ARHGAP35: variants seen among roughly 807,000 people sequenced by gnomAD.
The protein encoded by ARHGAP35 is Rho GTPase activating protein 35.
In ARHGAP35, 15 loss-of-function variants were observed where a neutral mutation model predicts 111.1. That is an observed-to-expected ratio of 0.13 (90% CI 0.09 to 0.21). ARHGAP35 has a LOEUF of 0.21. Among genes scored for constraint, ARHGAP35 ranks in the 10% least tolerant of loss-of-function variants. The probability of loss-of-function intolerance (pLI) is 1.00; values close to 1 mark genes in which losing one functional copy is unlikely to be tolerated. For missense variants in ARHGAP35, 1,262 were observed against 1,873.0 expected, an observed-to-expected ratio of 0.67 and a Z score of 6.02; for synonymous variants, 643 against 710.3, an observed-to-expected ratio of 0.91 and a Z score of 1.51.
At chr19:46,973,403 C>T (rs561190285) in intron 3 of ARHGAP35, among the ~76,000 whole-genome samples, 34 of 151,894 alleles carry the variant, frequency 2.2e-4, no homozygotes, top group Non-Finnish European at 3.7e-4. Context: ...AAAAATTGGC[C>T]GGGCGCAGTG....
intron 1 of ARHGAP35, among the ~76,000 whole-genome samples, chr19:46,875,988 C>T (rs2055917108): frequency 6.6e-6 from 1 of 152,132 alleles, no homozygotes; most frequent in African/African-American, 2.4e-5. Flanking sequence ...CTCTTTTTCT[C>T]ATCATGACAC....
intron 1 of ARHGAP35, among the ~76,000 whole-genome samples, chr19:46,895,739 A>G (rs2056051352): frequency 6.6e-6 from 1 of 152,196 alleles, no homozygotes; most frequent in African/African-American, 2.4e-5. Context: ...CAAATAATTT[A>G]GTCTCCAGGT....
chr19:46,912,372 T>C (rs2056141699), intron 1 of ARHGAP35, among the ~76,000 whole-genome samples: 1 of 148,464 alleles, frequency 6.7e-6, no homozygotes, highest in African/African-American at 2.5e-5. Context: ...TTTTTTCTTT[T>C]GAGACAGAGT....
chr19:46,883,102 CT>C (rs946694181), intron 1 of ARHGAP35, among the ~76,000 whole-genome samples: 13 of 148,048 alleles, frequency 8.8e-5, no homozygotes, highest in Admixed American at 1.4e-4. Context: ...GGCCTAATTT[CT>C]TTTTTTTTTG....
intron 1 of ARHGAP35, among the ~76,000 whole-genome samples, chr19:46,911,532 G>T (rs1299603796): frequency 6.6e-6 from 1 of 152,130 alleles, no homozygotes; most frequent in Admixed American, 6.5e-5. Flanking sequence ...AGAAAGGAGG[G>T]AATTTAGCTG....
Position 46,919,522 on chromosome 19 carries a change from C to T in ARHGAP35, c.847C>T (p.Arg283Cys), listed in dbSNP as rs200036000. 8.1e-6 allele frequency: 13 copies of T among 1,613,816 alleles called. No homozygotes were observed. In the African/African-American group the frequency reaches 1.2e-4, roughly 15 times the overall value. The change falls in exon 2 of 7, where the codon CGC becomes TGC. Residue 283 changes from arginine (R) to cysteine (C), a missense_variant. Arg to Cys is a radical substitution (Grantham distance 180). Around this residue, in one of 8 missense-constraint regions of ARHGAP35, gnomAD observed 328 missense variants for 440.8 expected, o/e 0.74. Transcript: ENST00000672722. This position sits in a 1 kb window ranked among gnomAD's most constrained non-coding sequence, Gnocchi z 6.2. ...AKDKYEWLVS[R>C]IVKNHNENWL... is the part of the protein sequence containing the mutation. ...AGACAAGTATGAGTGGCTGGTGAGT[C>T]GCATTGTGAAAAACCACAATGAGAA...
chr19:46,898,775 A>AGCTGCTGCTGCT (rs112008743), intron 1 of ARHGAP35, among the ~76,000 whole-genome samples: 99 of 150,910 alleles, frequency 6.6e-4, no homozygotes, highest in African/African-American at 2.1e-3. Context: ...TGCACAGATG[A>AGCTGCTGCTGCT]GCTGCTGCTG....
At chr19:46,979,340 TTGAA>T (rs1158299896) in intron 3 of ARHGAP35, among the ~76,000 whole-genome samples, 1 of 152,112 alleles carries the variant, frequency 6.6e-6, no homozygotes, top group Non-Finnish European at 1.5e-5. Flanking sequence ...GCTCCTGGCT[TTGAA>T]TGTTCACTCC....
chr19:46,930,177 G>A lies in ARHGAP35; in HGVS notation c.3682-7087G>A, dbSNP rs114806420. On this transcript the variant is annotated intron_variant, in intron 2 of 6. Coordinates refer to ENST00000672722, the MANE Select transcript of ARHGAP35 (RefSeq NM_004491.5). ...AGCCCAGGAGTTTGAAACTAGCTTG[G>A]GCAACATGGCAAAACTCCGTCTCTA... is the stretch of plus-strand genomic sequence containing the variant. Among the ~76,000 whole-genome samples the A allele has an allele frequency of 7.9e-3, 1,199 of 152,090 alleles. 8 individuals are homozygous for A. Among genetic ancestry groups the A allele is most frequent in the African/African-American group, 0.027 (1,123 of 41,498 alleles).
chr19:46,975,362 T>C (rs1340699142), intron 3 of ARHGAP35, among the ~76,000 whole-genome samples: 1 of 151,886 alleles, frequency 6.6e-6, no homozygotes, highest in Non-Finnish European at 1.5e-5. Flanking sequence ...CTTCTGAGGG[T>C]GCGCAGGAGA....
At chr19:46,889,116 C>T (rs545161311) in intron 1 of ARHGAP35, among the ~76,000 whole-genome samples, 38 of 152,126 alleles carry the variant, frequency 2.5e-4, no homozygotes, top group African/African-American at 8.0e-4. Flanking sequence ...GTCAGGAGTT[C>T]GAGACCAGCC....
intron 1 of ARHGAP35, among the ~76,000 whole-genome samples, chr19:46,874,915 G>A (rs921949451): frequency 2.0e-5 from 3 of 149,762 alleles, no homozygotes; most frequent in Admixed American, 6.7e-5. Context: ...GGGTTCAAGC[G>A]GTTCTCCTGC....
rs1450008323 is a variant in ARHGAP35 at position 46,920,708 on chromosome 19, T to C, written c.2033T>C (p.Ile678Thr). 1.9e-6 allele frequency: 3 copies of C among 1,613,844 alleles called. No homozygotes were observed. The highest frequency in any genetic ancestry group is 2.5e-6 in the Non-Finnish European group (3 of 1,179,812). The change falls in exon 2 of 7, where the codon ATA (isoleucine) becomes ACA (threonine). Residue 678 changes from isoleucine to threonine, a missense_variant. Around this residue, in one of 8 missense-constraint regions of ARHGAP35, gnomAD observed 579 missense variants for 716.9 expected, o/e 0.81. Coordinates refer to ENST00000672722, the MANE Select transcript of ARHGAP35 (RefSeq NM_004491.5). This position sits in a 1 kb window ranked among gnomAD's most constrained non-coding sequence, Gnocchi z 7.0. ...KESLSYVVES[I>T]EKSRESTLGR... The stretch of plus-strand genomic sequence containing the variant: ...TCGCTATCCTATGTAGTGGAAAGTA[T>C]AGAGAAGAGTAGAGAGTCCACGCTG...
At chr19:46,971,173 C>T (rs1157119411) in intron 3 of ARHGAP35, among the ~76,000 whole-genome samples, 1 of 151,998 alleles carries the variant, frequency 6.6e-6, no homozygotes, top group Non-Finnish European at 1.5e-5. Context: ...TTTGGGAGGC[C>T]GAGGCAGGCA....
chr19:46,905,197 GT>G (rs1009073602), intron 1 of ARHGAP35, among the ~76,000 whole-genome samples: 1 of 152,110 alleles, frequency 6.6e-6, no homozygotes, highest in African/African-American at 2.4e-5. Flanking sequence ...GAACCATGAA[GT>G]TTTTTGAACT....
intron 1 of ARHGAP35, among the ~76,000 whole-genome samples, chr19:46,891,066 A>G (rs2056021251): frequency 1.3e-5 from 2 of 152,190 alleles, no homozygotes; most frequent in Admixed American, 1.3e-4. Flanking sequence ...AAAATACCAG[A>G]GTTCCAAACC....
intron 1 of ARHGAP35, among the ~76,000 whole-genome samples, chr19:46,873,327 G>A (rs2055897735): frequency 6.6e-6 from 1 of 151,954 alleles, no homozygotes; most frequent in Non-Finnish European, 1.5e-5. Context: ...CCTAAAGTGT[G>A]CTTGTTTTAA....
At chr19:46,904,943 A>T (rs977322734) in intron 1 of ARHGAP35, among the ~76,000 whole-genome samples, 1 of 151,902 alleles carries the variant, frequency 6.6e-6, no homozygotes, top group Non-Finnish European at 1.5e-5. Flanking sequence ...AGTGCGGGGG[A>T]GTGGAGGGAC....
Position 46,923,328 on chromosome 19 carries a change from A to G in ARHGAP35, c.3681+972A>G, listed in dbSNP as rs2056216829. ...ACGGGGTTTCACCGTGTTAGCCAGG[A>G]TGGTCTCCATCTCCTGACATCGTGA... On this transcript the variant is annotated intron_variant, in intron 2 of 6. Transcript: ENST00000672722. 2.6e-5 allele frequency among the ~76,000 whole-genome samples: 4 copies of G among 151,830 alleles called. No individual in the cohort carries two copies. The South Asian group carries it at 6.2e-4, about 24-fold the overall frequency.
Sources: gnomAD v4.1 joint callset for allele counts (sites outside exome capture counted in the v4.1 genomes callset) on GRCh38, gnomAD v4.1.1 for gene constraint, gnomAD v4.1.1 regional missense constraint, Gnocchi (gnomAD v3.1) non-coding constraint, MANE v1.5 for transcripts, NCBI Gene and HGNC (gene_info 2026-07-23, HGNC 2026-07-21) for gene names.